Variants in OXCT1 observed in about 807,000 individuals in gnomAD.
The protein encoded by OXCT1 is succinyl-CoA:3-ketoacid coenzyme A transferase 1, mitochondrial.
Under a neutral mutation model 69.6 loss-of-function variants are expected in OXCT1, and 27 were observed. The ratio of observed to expected loss-of-function variants is 0.39; its 90% CI spans 0.29 to 0.54. The LOEUF (loss-of-function observed/expected upper bound fraction) is 0.54. Ranked by LOEUF, OXCT1 falls within the 20% of genes least tolerant of loss-of-function variation. OXCT1 has a pLI of 0.72. For missense variants in OXCT1, 437 were observed against 650.2 expected (o/e 0.67, Z 3.57); for synonymous variants, 202 against 217.8 (o/e 0.93, Z 0.64).
At chr5:41,756,145 C>T (rs563631746) in intron 14 of OXCT1, among the ~76,000 whole-genome samples, 8 of 152,072 alleles carry the variant, frequency 5.3e-5, no homozygotes, top group Non-Finnish European at 8.8e-5. Flanking sequence ...TCCAGACCTC[C>T]TATTGTAATA....
intron 7 of OXCT1, 77 bp downstream of exon 7, chr5:41,840,374 T>A: frequency 9.4e-7 from 1 of 1,059,670 alleles, no homozygotes; most frequent in Non-Finnish European, 1.5e-6. Flanking sequence ...ACAAATGAAC[T>A]GTGGTACTTT....
At chr5:41,808,251 C>G (rs141566974) in intron 7 of OXCT1, among the ~76,000 whole-genome samples, 1 of 152,168 alleles carries the variant, frequency 6.6e-6, no homozygotes, top group Non-Finnish European at 1.5e-5. Flanking sequence ...GTGACACGCA[C>G]GCACACAAAC....
chr5:41,798,685 T>C (rs1746290185), intron 11 of OXCT1, among the ~76,000 whole-genome samples: 1 of 152,138 alleles, frequency 6.6e-6, no homozygotes, highest in Non-Finnish European at 1.5e-5. Flanking sequence ...TAAGAAAACA[T>C]TAAGAAATGA....
intron 1 of OXCT1, among the ~76,000 whole-genome samples, chr5:41,867,451 A>G (rs956352943): frequency 1.3e-5 from 2 of 152,250 alleles, no homozygotes; most frequent in Non-Finnish European, 2.9e-5. Flanking sequence ...TAAGGAAGAA[A>G]CAGTTGCTGA....
intron 7 of OXCT1, among the ~76,000 whole-genome samples, chr5:41,816,316 T>C (rs1747243024): frequency 6.6e-6 from 1 of 152,180 alleles, no homozygotes; most frequent in African/African-American, 2.4e-5. Flanking sequence ...TAAAACAAAA[T>C]ATTTCTTCCT....
chr5:41,846,108 TTATG>T (rs1000223442), intron 5 of OXCT1, among the ~76,000 whole-genome samples: 12 of 151,930 alleles, frequency 7.9e-5, no homozygotes, highest in South Asian at 2.1e-4. Context: ...CTTTATTTAT[TTATG>T]TATGTATGTA....
intron 13 of OXCT1, among the ~76,000 whole-genome samples, chr5:41,764,475 C>T (rs1022515345): frequency 1.3e-5 from 2 of 152,052 alleles, no homozygotes; most frequent in African/African-American, 4.8e-5. Flanking sequence ...AAACAAGGTC[C>T]TTCTCCTGGA....
At chr5:41,779,651 G>A (rs748902567) in intron 13 of OXCT1, among the ~76,000 whole-genome samples, 15 of 151,376 alleles carry the variant, frequency 9.9e-5, no homozygotes, top group East Asian at 7.8e-4. Flanking sequence ...TAAAAGATCC[G>A]AATACAATAA....
intron 7 of OXCT1, among the ~76,000 whole-genome samples, chr5:41,825,479 A>T (rs994682567): frequency 6.6e-6 from 1 of 152,198 alleles, no homozygotes; most frequent in Non-Finnish European, 1.5e-5. Flanking sequence ...AAACAAAAAG[A>T]TATTTTCATA....
At chr5:41,738,052 C>T (rs1238832172) in intron 16 of OXCT1, among the ~76,000 whole-genome samples, 2 of 151,056 alleles carry the variant, frequency 1.3e-5, no homozygotes, top group Non-Finnish European at 2.9e-5. Context: ...AAGACTCCGT[C>T]TTAAAAAAAA....
chr5:41,834,667 G>A (rs557345741), intron 7 of OXCT1, among the ~76,000 whole-genome samples: 8 of 152,032 alleles, frequency 5.3e-5, no homozygotes, highest in African/African-American at 1.4e-4. Context: ...TGGGGCAGCC[G>A]GATACATAGA....
chr5:41,839,112 AT>A (rs1325271253), intron 7 of OXCT1, among the ~76,000 whole-genome samples: 1 of 152,072 alleles, frequency 6.6e-6, no homozygotes, highest in Non-Finnish European at 1.5e-5. Context: ...TAGTTAAAGG[AT>A]TTTCTCTCCT....
At chr5:41,849,700 T>G (rs1050894006) in intron 5 of OXCT1, among the ~76,000 whole-genome samples, 2 of 152,224 alleles carry the variant, frequency 1.3e-5, no homozygotes, top group Non-Finnish European at 2.9e-5. Context: ...ATACCACAAC[T>G]ACTTTATTTT....
rs956332409 is a variant in OXCT1 at position 41,735,433 on chromosome 5, C to T, written c.1522-3663G>A. On this transcript the variant is annotated intron_variant, in intron 16 of 16. Transcript: ENST00000196371. ...AACAGAAAGCAAAAACAGTGGTTGC[C>T]AAAGGCTGTGGAATTAGTGTTTAAT... Among the ~76,000 whole-genome samples the T allele has an allele frequency of 2.0e-5, 3 of 152,162 alleles. 1 individual carries two copies. The highest frequency in any genetic ancestry group is 2.1e-4 in the South Asian group (1 of 4,818).
chr5:41,789,974 G>A (rs1177951045), intron 13 of OXCT1, among the ~76,000 whole-genome samples: 1 of 152,174 alleles, frequency 6.6e-6, no homozygotes, highest in African/African-American at 2.4e-5. Context: ...GCTCAGACAT[G>A]TAGCACACAG....
At chr5:41,834,036 T>C (rs2112375041) in intron 7 of OXCT1, among the ~76,000 whole-genome samples, 1 of 152,084 alleles carries the variant, frequency 6.6e-6, no homozygotes. Context: ...GAGTTTGTAT[T>C]AGTTTTCTTT....
chr5:41,809,718 C>T (rs1016131178), intron 7 of OXCT1, among the ~76,000 whole-genome samples: 8 of 151,960 alleles, frequency 5.3e-5, no homozygotes, highest in Non-Finnish European at 1.0e-4. Flanking sequence ...TCTTTTGGTT[C>T]CATCAAAGAA....
chr5:41,762,013 G>T lies in OXCT1; in HGVS notation c.1338+98C>A. 1.2e-6 allele frequency: 1 copy of T among 822,526 alleles called. No individual in the cohort carries two copies. Among genetic ancestry groups the T allele is most frequent in the Non-Finnish European group, 2.2e-6 (1 of 458,284 alleles). 51.0% of individuals were successfully genotyped at this position (822,526 alleles called of 1,614,324 possible). ...ATGCTATCACCTTGAATGAGCCAGA[G>T]AAAATAAAATCCACAGTTAGGTGAC... is the stretch of plus-strand genomic sequence containing the variant. On this transcript the variant is annotated intron_variant, in intron 14 of 16. Transcript: ENST00000196371. This position sits in a 1 kb window ranked among gnomAD's most constrained non-coding sequence, Gnocchi z 4.0.
chr5:41,757,644 ATT>A (rs1302697448), intron 14 of OXCT1, among the ~76,000 whole-genome samples: 1 of 152,140 alleles, frequency 6.6e-6, no homozygotes, highest in Non-Finnish European at 1.5e-5. Context: ...ATCAAAGAAT[ATT>A]CCTTTGGTCA....
Sources: gnomAD v4.1 joint callset for allele counts (sites outside exome capture counted in the v4.1 genomes callset) on GRCh38, gnomAD v4.1.1 for gene constraint, Gnocchi (gnomAD v3.1) non-coding constraint, MANE v1.5 for transcripts, NCBI Gene and HGNC (gene_info 2026-07-23, HGNC 2026-07-21) for gene names.